Variants in KALRN observed in about 807,000 individuals in gnomAD.
KALRN encodes the protein kalirin RhoGEF kinase.
Under a neutral mutation model 353.7 loss-of-function variants are expected in KALRN, and 70 were observed. The observed-to-expected ratio is 0.20, with a 90% confidence interval of 0.16 to 0.24. The LOEUF (loss-of-function observed/expected upper bound fraction) is 0.24, where lower values mean the gene tolerates loss of function less well. Among genes scored for constraint, KALRN ranks in the 10% least tolerant of loss-of-function variants. The pLI is 1.00. For synonymous variants in KALRN, 1,391 were observed against 1,434.8 expected (o/e 0.97, Z 0.69); for missense variants, 2,791 against 3,756.7 (o/e 0.74, Z 6.72).
chr3:124,591,505 C>T (rs1432231624), intron 34 of KALRN, among the ~76,000 whole-genome samples: 1 of 152,160 alleles, frequency 6.6e-6, no homozygotes, highest in Admixed American at 6.5e-5. Flanking sequence ...TTTTGTGTAA[C>T]ACAGTGTTTT....
At chr3:124,299,161 G>T (rs773655326) in intron 6 of KALRN, among the ~76,000 whole-genome samples, 3 of 152,166 alleles carry the variant, frequency 2.0e-5, no homozygotes, top group Non-Finnish European at 4.4e-5. Context: ...GGAGGCATTG[G>T]CTCAGCTCAA....
At chr3:124,302,816 C>T (rs916288671) in intron 6 of KALRN, among the ~76,000 whole-genome samples, 19 of 142,270 alleles carry the variant, frequency 1.3e-4, no homozygotes, top group African/African-American at 4.1e-4. Flanking sequence ...TGTGCTGCCA[C>T]GTGGCCTTTT....
intron 1 of KALRN, among the ~76,000 whole-genome samples, chr3:124,130,811 G>A (rs776374314): frequency 8.5e-5 from 13 of 152,096 alleles, no homozygotes; most frequent in Non-Finnish European, 1.6e-4. Context: ...GATAAAGAGC[G>A]CACTATTGGC....
chr3:124,464,631 A>T (rs1438467222), intron 25 of KALRN, among the ~76,000 whole-genome samples: 1 of 152,170 alleles, frequency 6.6e-6, no homozygotes, highest in Non-Finnish European at 1.5e-5. Flanking sequence ...AGAAAATAAC[A>T]ACTAGCCTCT....
chr3:124,681,251 A>G (rs1043044983), intron 51 of KALRN, among the ~76,000 whole-genome samples: 37 of 152,210 alleles, frequency 2.4e-4, no homozygotes, highest in Non-Finnish European at 4.9e-4. Flanking sequence ...TTCTACACTT[A>G]GATAAAAAAC....
chr3:124,308,715 TA>T (rs1010230440), intron 6 of KALRN, among the ~76,000 whole-genome samples: 1 of 151,104 alleles, frequency 6.6e-6, no homozygotes, highest in African/African-American at 2.4e-5. Flanking sequence ...TTAAAAAAGC[TA>T]AAAAAAAGTT....
Position 124,516,518 on chromosome 3 carries a change from C to T in KALRN, c.4935+20105C>T, listed in dbSNP as rs1281601061. On this transcript the variant is annotated intron_variant, in intron 33 of 59. Transcript: ENST00000682506. ...TAAGAACAATAAAAATATTTTTAAA[C>T]TGCTATCCTCTTCAGAATTTTAACA... 2.0e-5 allele frequency among the ~76,000 whole-genome samples: 3 copies of T among 151,942 alleles called. No homozygotes were observed. The East Asian group carries it at 5.8e-4, about 29-fold the overall frequency.
At chr3:124,534,562 A>G (rs1234712349) in intron 33 of KALRN, among the ~76,000 whole-genome samples, 2 of 152,190 alleles carry the variant, frequency 1.3e-5, no homozygotes, top group African/African-American at 2.4e-5. Flanking sequence ...GAGTCATGGC[A>G]TCTAAGCTAC....
At chr3:124,423,034 T>C in intron 15 of KALRN, 56 bp downstream of exon 15, 7 of 1,564,872 alleles carry the variant, frequency 4.5e-6, no homozygotes, top group Admixed American at 1.7e-5. Flanking sequence ...GAGCCTGACC[T>C]GGGACCTGCT....
chr3:124,470,751 C>G (rs1471858063), intron 25 of KALRN, among the ~76,000 whole-genome samples: 1 of 149,712 alleles, frequency 6.7e-6, no homozygotes, highest in African/African-American at 2.4e-5. Flanking sequence ...TGTGGGACCG[C>G]TAACTAGAGT....
chr3:124,379,635 C>T (rs1012292433), intron 10 of KALRN, among the ~76,000 whole-genome samples: 4 of 152,172 alleles, frequency 2.6e-5, no homozygotes, highest in Admixed American at 2.0e-4. Context: ...ATCCAACATC[C>T]CATGAACCAT....
At chr3:124,714,285 T>C (rs1217683847) in intron 58 of KALRN, among the ~76,000 whole-genome samples, 2 of 152,210 alleles carry the variant, frequency 1.3e-5, no homozygotes, top group Non-Finnish European at 2.9e-5. Flanking sequence ...TGTCCACAGA[T>C]GACAACATCT....
intron 33 of KALRN, among the ~76,000 whole-genome samples, chr3:124,511,154 T>C (rs1222487137): frequency 6.6e-6 from 1 of 152,110 alleles, no homozygotes; most frequent in Non-Finnish European, 1.5e-5. Flanking sequence ...AACATTATTC[T>C]TTAACATTCA....
intron 5 of KALRN, among the ~76,000 whole-genome samples, chr3:124,295,826 C>G (rs2076802157): frequency 6.6e-6 from 1 of 152,056 alleles, no homozygotes. Flanking sequence ...AATCAGAGTC[C>G]TCTAAATTCC....
At chr3:124,565,478 T>C (rs2651625) in intron 34 of KALRN, among the ~76,000 whole-genome samples, 102,773 of 152,176 alleles carry the variant, frequency 0.68, 35,944 homozygotes, top group East Asian at 0.87. Context: ...TTCAATGCAC[T>C]TTAGTTGTCA....
chr3:124,571,443 A>C (rs933172028), intron 34 of KALRN, among the ~76,000 whole-genome samples: 3 of 152,232 alleles, frequency 2.0e-5, no homozygotes, highest in African/African-American at 7.2e-5. Context: ...CATAGAGCTT[A>C]GAGGCAAGTG....
chr3:124,245,874 A>G (rs1043057458), intron 3 of KALRN, among the ~76,000 whole-genome samples: 3 of 152,056 alleles, frequency 2.0e-5, no homozygotes, highest in Non-Finnish European at 2.9e-5. Flanking sequence ...TACTTATTTT[A>G]TGAACCTTTT....
chr3:124,338,918 T>C (rs903036482), intron 9 of KALRN, among the ~76,000 whole-genome samples: 20 of 152,208 alleles, frequency 1.3e-4, no homozygotes, highest in Non-Finnish European at 2.6e-4. Flanking sequence ...AATATGTAAC[T>C]ATATTTTTCA....
intron 13 of KALRN, 100 bp downstream of exon 13, chr3:124,398,971 G>C (rs187448699): frequency 8.1e-7 from 1 of 1,233,664 alleles, no homozygotes; most frequent in South Asian, 1.5e-5. Context: ...GGAAATTAGA[G>C]CATCCAGCAT....
Sources: gnomAD v4.1 joint callset for allele counts (sites outside exome capture counted in the v4.1 genomes callset) on GRCh38, gnomAD v4.1.1 for gene constraint, MANE v1.5 for transcripts, NCBI Gene and HGNC (gene_info 2026-07-23, HGNC 2026-07-21) for gene names.